Variants in ATP2B2 observed in about 807,000 individuals in gnomAD.
The protein encoded by ATP2B2 is plasma membrane calcium-transporting ATPase 2.
ATP2B2 carries 15 observed loss-of-function variants against 120.0 expected under a neutral mutation model. That is an observed-to-expected ratio of 0.12 (90% confidence interval 0.08 to 0.19). The LOEUF is 0.19. ATP2B2 is among the 10% of genes least tolerant of loss of function. The pLI is 1.00. For missense variants in ATP2B2, 1,045 were observed against 1,719.8 expected (o/e 0.61, Z 6.94); for synonymous variants, 694 against 700.3 (o/e 0.99, Z 0.14).
At position 10,358,577 on chromosome 3, in the gene ATP2B2, G is replaced by C; in HGVS notation, c.2136+114C>G. 4.1e-6 allele frequency: 4 copies of C among 982,072 alleles called. No homozygotes were observed. The South Asian group carries it at 5.5e-5, about 13-fold the overall frequency. The allele number at this position is 982,072 out of a possible 1,614,324, so 60.8% of individuals were successfully genotyped here. On this transcript the variant is annotated intron_variant, in intron 14 of 22. Transcript: ENST00000360273. The stretch of plus-strand genomic sequence containing the variant: ...GGATCAAGGAAGGAAATCCCCATGG[G>C]CATTATGTGGAAACTGAGACTCAAA...
At chr3:10,526,256 A>G (rs570328085) in intron 3 of ATP2B2, among the ~76,000 whole-genome samples, 92 of 152,272 alleles carry the variant, frequency 6.0e-4, no homozygotes, top group African/African-American at 2.2e-3. Flanking sequence ...AGACAGAGCA[A>G]AGCCTGCAAA....
Position 10,350,214 on chromosome 3 carries a change from G to A in ATP2B2, c.2317-15C>T. 1.2e-6 allele frequency: 2 copies of A among 1,601,074 alleles called. No individual in the cohort carries two copies. The highest frequency in any genetic ancestry group is 1.7e-6 in the Non-Finnish European group (2 of 1,169,122). Reference sequence around the variant, plus strand: ...TCCTGCTCAATCTGGAGAGGGATGGGGAAGGGGGCGGGTCGGTGGGGTCGG... The same window carrying A: ...TCCTGCTCAATCTGGAGAGGGATGGAGAAGGGGGCGGGTCGGTGGGGTCGG... On this transcript the variant is annotated splice_polypyrimidine_tract_variant and intron_variant, in intron 15 of 22. Transcript: ENST00000360273.
intron 18 of ATP2B2, among the ~76,000 whole-genome samples, chr3:10,345,001 C>T (rs911726126): frequency 1.5e-4 from 23 of 152,308 alleles, no homozygotes; most frequent in Admixed American, 1.0e-3. Flanking sequence ...CACCTGGATG[C>T]CTGATCCCCC....
At position 10,497,451 on chromosome 3, in the gene ATP2B2, T is replaced by A. The variant is rs143588883; in HGVS notation, c.-320+8014A>T. Among the ~76,000 whole-genome samples, 10 of 152,358 alleles carry A rather than the reference T, an allele frequency of 6.6e-5. No homozygotes were observed. In the East Asian group the frequency reaches 1.9e-3, roughly 29 times the overall value. On this transcript the variant is annotated intron_variant, in intron 1 of 22. Transcript: ENST00000360273. ...ACTGCTATTATTTTATTGAGCCTAGTGTTTATTTTAGTATCATTTATTGAA... is the reference window on the plus strand; with the variant it reads ...ACTGCTATTATTTTATTGAGCCTAGAGTTTATTTTAGTATCATTTATTGAA...
chr3:10,582,488 G>A (rs1054952235), intron 2 of ATP2B2, among the ~76,000 whole-genome samples: 1 of 152,204 alleles, frequency 6.6e-6, no homozygotes, highest in Non-Finnish European at 1.5e-5. Flanking sequence ...ACACAGAGAT[G>A]AATAAACTAT....
intron 2 of ATP2B2, among the ~76,000 whole-genome samples, chr3:10,419,371 G>A (rs1272320442): frequency 6.6e-6 from 1 of 152,226 alleles, no homozygotes; most frequent in Non-Finnish European, 1.5e-5. Context: ...ATAGTGCTTG[G>A]CATATACTGG....
chr3:10,400,801 A>G, intron 5 of ATP2B2, 152 bp downstream of exon 5: 1 of 1,195,416 alleles, frequency 8.4e-7, no homozygotes, highest in South Asian at 1.4e-5. Flanking sequence ...TGTGAGAGAA[A>G]AGGAAGGGAG....
At chr3:10,411,452 G>C (rs371724903) in intron 2 of ATP2B2, among the ~76,000 whole-genome samples, 1 of 152,156 alleles carries the variant, frequency 6.6e-6, no homozygotes, top group African/African-American at 2.4e-5. Flanking sequence ...TCCTACAGCC[G>C]CCTTGCGCTG....
chr3:10,568,636 A>G (rs535894705), intron 2 of ATP2B2, among the ~76,000 whole-genome samples: 38 of 152,378 alleles, frequency 2.5e-4, no homozygotes, highest in African/African-American at 8.9e-4. Context: ...TCAAGGCCTC[A>G]GGAAACCACG....
intron 3 of ATP2B2, among the ~76,000 whole-genome samples, chr3:10,522,278 T>C (rs1025548642): frequency 6.6e-6 from 1 of 152,192 alleles, no homozygotes; most frequent in Admixed American, 6.5e-5. Context: ...TCTCAGCTGC[T>C]GTGCTTATCC....
At chr3:10,481,879 T>C (rs1240316537) in intron 1 of ATP2B2, among the ~76,000 whole-genome samples, 5 of 152,288 alleles carry the variant, frequency 3.3e-5, no homozygotes, top group African/African-American at 1.2e-4. Context: ...AAAATAACAC[T>C]TACACCCACT....
At chr3:10,653,559 G>T (rs2070524463) in intron 1 of ATP2B2, among the ~76,000 whole-genome samples, 1 of 152,236 alleles carries the variant, frequency 6.6e-6, no homozygotes, top group South Asian at 2.1e-4. Flanking sequence ...TCCGCCAAAG[G>T]CAGAATCCCT....
intron 2 of ATP2B2, among the ~76,000 whole-genome samples, chr3:10,557,139 G>A (rs1043201247): frequency 6.6e-6 from 1 of 152,182 alleles, no homozygotes; most frequent in African/African-American, 2.4e-5. Flanking sequence ...TGGCCTCCCA[G>A]CCTTGGTCTC....
rs145553353 is a variant in ATP2B2, at chr3:10,465,932, A to C, written c.-319-16070T>G. ...TTACTGTGATGGTACCGCAGGAAGA[A>C]GAGACACTTCTAGAACAGAGGCCAC... is the stretch of plus-strand genomic sequence containing the variant. On this transcript the variant is annotated intron_variant, in intron 1 of 22. Transcript: ENST00000360273. Among the ~76,000 whole-genome samples, 791 of 152,338 alleles carry C rather than the reference A, an allele frequency of 5.2e-3. 9 individuals are homozygous for C. The highest frequency in any genetic ancestry group is 0.018 in the African/African-American group (739 of 41,574).
At chr3:10,416,008 T>C (rs1038257661) in intron 2 of ATP2B2, among the ~76,000 whole-genome samples, 1 of 152,136 alleles carries the variant, frequency 6.6e-6, no homozygotes, top group Non-Finnish European at 1.5e-5. Flanking sequence ...ATTCATAAAA[T>C]GGGAACAAAA....
At position 10,606,910 on chromosome 3, in the gene ATP2B2, C is replaced by A. The variant is rs1051762341; in HGVS notation, c.-415+13007G>T. On this transcript the variant is annotated intron_variant, in intron 2 of 21. Transcript: ENST00000646379. ...ACACACACACACACACACACACACA[C>A]ACAGAGAGAGAGAGAGAGAGAGAGA... 1.6e-3 allele frequency among the ~76,000 whole-genome samples: 72 copies of A among 46,080 alleles called. No homozygotes were observed. In the South Asian group the frequency reaches 0.029, roughly 19 times the overall value. The allele number at this position is 46,080 out of a possible 152,430, so 30.2% of individuals were successfully genotyped here.
chr3:10,338,095 G>T (rs1182189322), intron 22 of ATP2B2, 81 bp downstream of exon 22: 2 of 1,583,634 alleles, frequency 1.3e-6, no homozygotes, highest in Non-Finnish European at 8.6e-7. Flanking sequence ...TGGGCCCTGG[G>T]GGGCAGCACA....
At chr3:10,534,447 G>A (rs529666707) in intron 2 of ATP2B2, among the ~76,000 whole-genome samples, 6 of 152,310 alleles carry the variant, frequency 3.9e-5, no homozygotes, top group African/African-American at 9.6e-5. Flanking sequence ...AACATGCATC[G>A]GGCATCTAGC....
chr3:10,601,921 A>G (rs1480249104), intron 2 of ATP2B2, among the ~76,000 whole-genome samples: 1 of 152,150 alleles, frequency 6.6e-6, no homozygotes, highest in Non-Finnish European at 1.5e-5. Flanking sequence ...CCCCCCAGCT[A>G]AGCCTGCTCT....
Sources: allele counts gnomAD v4.1 joint callset (sites outside exome capture counted in the v4.1 genomes callset), GRCh38; gene constraint gnomAD v4.1.1; transcripts MANE v1.5; gene names NCBI Gene and HGNC (gene_info 2026-07-23, HGNC 2026-07-21).